The following SYNE2 variants were observed in gnomAD, a reference collection of about 807,000 sequenced individuals.
SYNE2 encodes the protein spectrin repeat containing nuclear envelope protein 2.
A neutral mutation model predicts 856.3 loss-of-function variants in SYNE2; 431 were observed. The observed-to-expected ratio is 0.50, with a 90% CI of 0.47 to 0.55. The LOEUF is 0.55. Ranked by LOEUF, SYNE2 falls within the 20% of genes least tolerant of loss-of-function variation. The pLI, the probability that SYNE2 is intolerant of heterozygous loss-of-function variation, is 0.00. For synonymous variants in SYNE2, 2,923 were observed against 2,872.3 expected, an observed-to-expected ratio of 1.02 and a Z score of -0.56; for missense variants, 8,129 against 8,023.2, an observed-to-expected ratio of 1.01 and a Z score of -0.50.
At position 64,107,589 on chromosome 14, in the gene SYNE2, G is replaced by T; in HGVS notation, c.12591G>T (p.Arg4197Ser). 1 of 1,614,044 alleles carries T rather than the reference G, an allele frequency of 6.2e-7. No homozygotes were observed. Among genetic ancestry groups the T allele is most frequent in the Non-Finnish European group, 8.5e-7 (1 of 1,179,968 alleles). ...AGCAAGGCCCAGAATGTTCCCTAAG[G>T]CCCAACCAAACAGAAGAGGTAAGTC... The part of the protein sequence containing the change: ...NTEQGPECSL[R>S]PNQTEEGTTP... Residue 4197 changes from arginine to serine, a missense_variant, in exon 65 of 116, where the codon AGG (arginine) becomes AGT (serine). Coordinates refer to ENST00000555002, the MANE Select transcript of SYNE2 (RefSeq NM_182914.3).
At chr14:64,034,297 A>T (rs2097067722) in intron 45 of SYNE2, among the ~76,000 whole-genome samples, 1 of 152,212 alleles carries the variant, frequency 6.6e-6, no homozygotes, top group South Asian at 2.1e-4. Context: ...TGTGCTAGTC[A>T]TTCTGCTAGA....
intron 1 of SYNE2, among the ~76,000 whole-genome samples, chr14:63,830,576 G>A (rs2139893944): frequency 6.6e-6 from 1 of 151,928 alleles, no homozygotes; most frequent in Non-Finnish European, 1.5e-5. Context: ...AGGGAGGATT[G>A]CATGAGCCCA....
At chr14:64,080,039 G>T (rs1255957) in intron 55 of SYNE2, among the ~76,000 whole-genome samples, 112,324 of 149,784 alleles carry the variant, frequency 0.75, 43,889 homozygotes, top group Non-Finnish European at 0.87. Flanking sequence ...TGTAGATTAA[G>T]AGAGCGTGTG....
intron 1 of SYNE2, among the ~76,000 whole-genome samples, chr14:63,793,083 G>A (rs993795893): frequency 7.2e-5 from 11 of 152,066 alleles, no homozygotes; most frequent in African/African-American, 1.9e-4. Context: ...TTTTGGAGAA[G>A]AGGCACATTA....
rs1257885117 is a variant in SYNE2, at chr14:64,208,901, A to G, written c.18345A>G (p.Arg6115=). 6.2e-7 allele frequency: 1 copy of G among 1,614,032 alleles called. No individual in the cohort carries two copies. Among genetic ancestry groups the G allele is most frequent in the African/African-American group, 1.3e-5 (1 of 74,918 alleles). ...AGCAGACCACCAGGAGCCTGGACAG[A>G]CGCTGGAGGAACATTTGTGCCATGT... is the stretch of plus-strand genomic sequence containing the variant. The part of the protein sequence containing the change: ...SIQQTTRSLD[R]RWRNICAMSM... Residue 6115 remains arginine, a synonymous_variant, in exon 101 of 116, where the codon AGA becomes AGG. Coordinates refer to ENST00000555002, the MANE Select transcript of SYNE2 (RefSeq NM_182914.3).
At chr14:63,794,320 G>A (rs35591408) in intron 1 of SYNE2, among the ~76,000 whole-genome samples, 8,110 of 152,190 alleles carry the variant, frequency 0.053, 291 homozygotes, top group Admixed American at 0.098. Flanking sequence ...CTCCTGAGTA[G>A]CTGGGATTAC....
chr14:64,068,466 C>T (rs978341523), intron 51 of SYNE2, among the ~76,000 whole-genome samples: 1 of 152,000 alleles, frequency 6.6e-6, no homozygotes, highest in Non-Finnish European at 1.5e-5. Flanking sequence ...TAGTTCATTT[C>T]TCTTTATTCC....
In SYNE2 at chr14:63,942,087, G is replaced by C; in HGVS notation, c.352G>C (p.Asp118His). ...LINIHVTDII[D>H]GNPSIILGLI... ...AAATATTCATGTTACTGATATCATT[G>C]ATGGAAACCCATCCATTATCCTTGG... is the stretch of plus-strand genomic sequence containing the variant. Residue 118 changes from aspartate (D) to histidine (H), a missense_variant, in exon 6 of 116, where the codon GAT becomes CAT. Transcript: ENST00000555002. 3 of 1,611,754 alleles carry C rather than the reference G, an allele frequency of 1.9e-6. No homozygotes were observed. The highest frequency in any genetic ancestry group is 2.5e-6 in the Non-Finnish European group (3 of 1,178,534).
intron 97 of SYNE2, among the ~76,000 whole-genome samples, chr14:64,187,941 C>T (rs1009815082): frequency 2.0e-5 from 3 of 152,266 alleles, no homozygotes; most frequent in African/African-American, 4.8e-5. Flanking sequence ...ATTTTGGGGT[C>T]AGCCTGCTTG....
chr14:64,094,354 A>C (rs1423469053), intron 61 of SYNE2, among the ~76,000 whole-genome samples: 1 of 151,726 alleles, frequency 6.6e-6, no homozygotes, highest in Non-Finnish European at 1.5e-5. Flanking sequence ...AAAAAAATAA[A>C]AAATAAAAAA....
upstream of SYNE2, among the ~76,000 whole-genome samples, chr14:63,849,251 A>G (rs556453552): frequency 1.3e-5 from 2 of 148,272 alleles, no homozygotes; most frequent in African/African-American, 2.5e-5. Flanking sequence ...AGTGTTTAGC[A>G]CTAAGTTAAT....
intron 61 of SYNE2, among the ~76,000 whole-genome samples, chr14:64,097,385 A>T (rs1166540206): frequency 6.6e-6 from 1 of 152,232 alleles, no homozygotes; most frequent in African/African-American, 2.4e-5. Context: ...TTCAAAGATG[A>T]TAATAAAAGA....
intron 100 of SYNE2, among the ~76,000 whole-genome samples, chr14:64,205,708 C>T (rs896348253): frequency 6.6e-6 from 1 of 152,106 alleles, no homozygotes; most frequent in African/African-American, 2.4e-5. Context: ...GTTATTCCTA[C>T]GGAATATATC....
At chr14:64,159,575 T>C (rs1016649795) in intron 87 of SYNE2, 133 bp downstream of exon 87, 4 of 1,031,088 alleles carry the variant, frequency 3.9e-6, no homozygotes, top group Non-Finnish European at 5.8e-6. Context: ...TGGTCTCTTC[T>C]GCTTTGATGA....
Position 64,188,585 on chromosome 14 carries a change from C to G in SYNE2, c.17748C>G (p.Leu5916=). The G allele has an allele frequency of 6.2e-7, 1 of 1,614,046 alleles. No individual in the cohort carries two copies. The highest frequency in any genetic ancestry group is 8.5e-7 in the Non-Finnish European group (1 of 1,180,008). ...GTAAACAGGAGATTGAAGACAGACT[C>G]AATACATGGGTTGTATTCAATGAAA... ...AIRKQEIEDR[L]NTWVVFNEKN... The change falls in exon 98 of 116, where the codon CTC becomes CTG. Residue 5916 remains leucine (L), a synonymous_variant. Coordinates refer to ENST00000555002, the MANE Select transcript of SYNE2 (RefSeq NM_182914.3).
intron 1 of SYNE2, among the ~76,000 whole-genome samples, chr14:63,895,590 CAAAAAAAAAA>C (rs34613830): frequency 2.3e-5 from 2 of 88,398 alleles, no homozygotes; most frequent in Non-Finnish European, 4.6e-5. Context: ...CTGTCTCTAT[CAAAAAAAAAA>C]AAAAAAAAAA....
At chr14:63,780,281 C>T (rs1000507430) in intron 1 of SYNE2, among the ~76,000 whole-genome samples, 3 of 152,022 alleles carry the variant, frequency 2.0e-5, no homozygotes, top group African/African-American at 7.2e-5. Context: ...TGCCTGTAAT[C>T]CCAGCACTTT....
chr14:63,998,257 G>T lies in SYNE2; in HGVS notation c.3282G>T (p.Val1094=), dbSNP rs965392967. ...EPTMKFSLAS[V]LRPLQEESIM... Reference sequence around the variant, plus strand: ...CTATGAAGTTTAGCCTGGCATCAGTGTTAAGGCCTCTGCAAGAAGAAAGCA... The same window carrying T: ...CTATGAAGTTTAGCCTGGCATCAGTTTTAAGGCCTCTGCAAGAAGAAAGCA... Residue 1094 remains valine (V), a synonymous_variant, in exon 26 of 116, where the codon GTG becomes GTT. Transcript: ENST00000555002. 5 of 1,613,900 alleles carry T rather than the reference G, an allele frequency of 3.1e-6. No individual in the cohort carries two copies. Among genetic ancestry groups the T allele is most frequent in the Non-Finnish European group, 4.2e-6 (5 of 1,179,944 alleles).
chr14:63,910,096 T>C (rs2095455244), intron 2 of SYNE2, among the ~76,000 whole-genome samples: 1 of 152,190 alleles, frequency 6.6e-6, no homozygotes, highest in Non-Finnish European at 1.5e-5. Context: ...ATAAAAGAAA[T>C]AAGGCTATAG....
Sources: gnomAD v4.1 joint callset for allele counts (sites outside exome capture counted in the v4.1 genomes callset) on GRCh38, gnomAD v4.1.1 for gene constraint, MANE v1.5 for transcripts, NCBI Gene and HGNC (gene_info 2026-07-23, HGNC 2026-07-21) for gene names.